The following FREM1 variants were observed in gnomAD, a reference collection of about 807,000 sequenced individuals.
FREM1 encodes FRAS1-related extracellular matrix protein 1.
Under a neutral mutation model 210.1 loss-of-function variants are expected in FREM1, and 220 were observed. That is an observed-to-expected ratio of 1.05 (90% CI 0.94 to 1.17). The LOEUF is 1.17. FREM1 is among the 50% of genes most tolerant of loss of function. The pLI is 0.00. For missense variants in FREM1, 3,454 were observed against 2,675.5 expected (o/e 1.29, Z -6.42); for synonymous variants, 1,189 against 980.2 (o/e 1.21, Z -3.98).
intron 3 of FREM1, among the ~76,000 whole-genome samples, chr9:14,860,277 G>A (rs1829565051): frequency 6.6e-6 from 1 of 152,032 alleles, no homozygotes; most frequent in Non-Finnish European, 1.5e-5. Flanking sequence ...CAAAGGGGCT[G>A]GAGAAGGAGA....
At chr9:14,885,053 T>A (rs966172705) in intron 1 of FREM1, among the ~76,000 whole-genome samples, 2 of 141,710 alleles carry the variant, frequency 1.4e-5, no homozygotes, top group Admixed American at 1.4e-4. Flanking sequence ...GCCCCCCGAG[T>A]GGCTGGGACT....
Position 14,747,745 on chromosome 9 carries a change from A to G in FREM1, c.5797-17T>C. ...TGGACGAACCTGAAATTGACAGAGAACAAAATATGAACAGAATTGGATTGA... is the reference window on the plus strand; with the variant it reads ...TGGACGAACCTGAAATTGACAGAGAGCAAAATATGAACAGAATTGGATTGA... On this transcript the variant is annotated splice_polypyrimidine_tract_variant and intron_variant, in intron 31 of 36. Coordinates refer to ENST00000380880, the MANE Select transcript of FREM1 (RefSeq NM_001379081.2). 1.3e-6 allele frequency: 2 copies of G among 1,503,448 alleles called. No individual in the cohort carries two copies. The highest frequency in any genetic ancestry group is 1.2e-5 in the South Asian group (1 of 80,242). The allele number at this position is 1,503,448 out of a possible 1,614,324, so 93.1% of individuals were successfully genotyped here.
rs544424976 is a variant in FREM1 at position 14,907,970 on chromosome 9, C to A, written c.-268+1944G>T. Among the ~76,000 whole-genome samples, 9 of 152,278 alleles carry A rather than the reference C, an allele frequency of 5.9e-5. No individual in the cohort carries two copies. The South Asian group carries it at 1.9e-3, about 32-fold the overall frequency. On this transcript the variant is annotated intron_variant, in intron 1 of 36. Coordinates refer to ENST00000380880, the MANE Select transcript of FREM1 (RefSeq NM_001379081.2). ...ATTTGAAACACCATGAGGACAAGGA[C>A]CCTGCCTGTGCATGCCATCCCCAGT...
intron 16 of FREM1, among the ~76,000 whole-genome samples, chr9:14,811,930 G>A (rs1819480803): frequency 6.6e-6 from 1 of 152,148 alleles, no homozygotes; most frequent in Non-Finnish European, 1.5e-5. Context: ...TGGATGAGTA[G>A]ACAGGAAATT....
chr9:14,807,931 C>T lies in FREM1; in HGVS notation c.3088+9G>A. ...ACAATAGTACTGGAACAAAAAAACA[C>T]ATTGTCACCTATTGCAATGGAAGGT... On this transcript the variant is annotated intron_variant, in intron 17 of 36. Coordinates refer to ENST00000380880, the MANE Select transcript of FREM1 (RefSeq NM_001379081.2). The T allele has an allele frequency of 6.2e-7, 1 of 1,602,074 alleles. No individual in the cohort carries two copies. Among genetic ancestry groups the T allele is most frequent in the Non-Finnish European group, 8.5e-7 (1 of 1,170,028 alleles).
In FREM1 at chr9:14,823,426, C is replaced by T. The variant is rs112853123; in HGVS notation, c.2170-99G>A. 7.7e-3 allele frequency: 7,480 copies of T among 972,868 alleles called. 357 individuals carry two copies. The African/African-American group carries it at 0.11, about 14-fold the overall frequency. 60.3% of individuals were successfully genotyped at this position (972,868 alleles called of 1,614,324 possible). On this transcript the variant is annotated intron_variant, in intron 12 of 36. Coordinates refer to ENST00000380880, the MANE Select transcript of FREM1 (RefSeq NM_001379081.2). Reference sequence around the variant, plus strand: ...CCATCATGTTAATTGATATTGAACACTGTAAATGCCACCATCATCACTTTG... The same window carrying T: ...CCATCATGTTAATTGATATTGAACATTGTAAATGCCACCATCATCACTTTG...
At chr9:14,808,324 G>A (rs1302346230) in intron 16 of FREM1, among the ~76,000 whole-genome samples, 190 bp from the exon 17 acceptor site, 1 of 152,100 alleles carries the variant, frequency 6.6e-6, no homozygotes, top group Non-Finnish European at 1.5e-5. Context: ...AAAAATTCTT[G>A]CCCATCTGTT....
intron 5 of FREM1, among the ~76,000 whole-genome samples, chr9:14,855,520 A>C (rs1440434189): frequency 2.0e-5 from 3 of 152,160 alleles, no homozygotes; most frequent in Non-Finnish European, 4.4e-5. Flanking sequence ...CAAGATACAA[A>C]ACTTCACATA....
intron 5 of FREM1, among the ~76,000 whole-genome samples, chr9:14,856,987 T>G (rs916711802): frequency 1.3e-5 from 2 of 152,138 alleles, no homozygotes; most frequent in African/African-American, 4.8e-5. Context: ...TATTTCAATA[T>G]ATAGAGATCA....
rs1354264821 is a variant in FREM1 at position 14,823,317 on chromosome 9, T to C, written c.2180A>G (p.Asn727Ser). The C allele has an allele frequency of 4.3e-6, 7 of 1,612,968 alleles. No individual in the cohort carries two copies. The highest frequency in any genetic ancestry group is 5.9e-6 in the Non-Finnish European group (7 of 1,179,326). The change falls in exon 13 of 37, where the codon AAC becomes AGC. Residue 727 changes from asparagine to serine, a missense_variant. Asn to Ser is a conservative substitution (Grantham distance 46). Transcript: ENST00000380880. ...GGGCATGTAGGCCACTTTCATATAGTTCACAGCATGCTGCAAAGTAAGTTG... is the reference window on the plus strand; with the variant it reads ...GGGCATGTAGGCCACTTTCATATAGCTCACAGCATGCTGCAAAGTAAGTTG... Reference protein sequence around the residue: ...ELRSFTQHAVNYMKVAYMPPM... With the variant: ...ELRSFTQHAVSYMKVAYMPPM...
chr9:14,857,865 A>C, intron 4 of FREM1, 116 bp from the exon 5 acceptor site: 2 of 619,488 alleles, frequency 3.2e-6, no homozygotes, highest in Non-Finnish European at 5.2e-6. Flanking sequence ...AGGAACACTC[A>C]TGTACCTTCC....
At chr9:14,876,584 C>T (rs1833795133) in intron 1 of FREM1, among the ~76,000 whole-genome samples, 1 of 152,134 alleles carries the variant, frequency 6.6e-6, no homozygotes, top group East Asian at 1.9e-4. Flanking sequence ...CGTCTGTCAC[C>T]CCTTTCTTTG....
At chr9:14,771,318 T>G (rs1847532975) in intron 25 of FREM1, among the ~76,000 whole-genome samples, 1 of 152,130 alleles carries the variant, frequency 6.6e-6, no homozygotes, top group Non-Finnish European at 1.5e-5. Flanking sequence ...TGGCATGTCT[T>G]TTTTCAACTG....
In FREM1 at chr9:14,844,225, CTT is replaced by C. The variant is rs35686371; in HGVS notation, c.1394-1567_1394-1566del. Among the ~76,000 whole-genome samples, 607 of 138,766 alleles carry C rather than the reference CTT, an allele frequency of 4.4e-3. 4 individuals are homozygous for C. The highest frequency in any genetic ancestry group is 0.011 in the Middle Eastern group (3 of 262). 91.0% of individuals were successfully genotyped at this position (138,766 alleles called of 152,430 possible). A position where few individuals can be genotyped will look rare whatever the true frequency, so the allele number is the denominator to read the frequency against. On this transcript the variant is annotated intron_variant, in intron 8 of 36. Coordinates refer to ENST00000380880, the MANE Select transcript of FREM1 (RefSeq NM_001379081.2). The stretch of plus-strand genomic sequence containing the variant: ...TTTCTTCAGATACTTACAACTCTTC[CTT>C]TTTTTTTTTTTTTCTTTAGACGGAG...
chr9:14,823,455 A>C, intron 12 of FREM1, 128 bp from the exon 13 acceptor site: 1 of 794,668 alleles, frequency 1.3e-6, no homozygotes, highest in Admixed American at 2.5e-5. Context: ...CACTTTGAAG[A>C]TTACCAAAAG....
intron 1 of FREM1, among the ~76,000 whole-genome samples, chr9:14,881,872 AC>A (rs1408176796): frequency 6.6e-6 from 1 of 152,188 alleles, no homozygotes; most frequent in African/African-American, 2.4e-5. Context: ...AGAGGTAGTT[AC>A]GGTGTGCCTC....
At chr9:14,807,166 G>A (rs1285298477) in intron 17 of FREM1, among the ~76,000 whole-genome samples, 3 of 152,134 alleles carry the variant, frequency 2.0e-5, no homozygotes, top group Non-Finnish European at 4.4e-5. Context: ...GGTTTCCCTT[G>A]TGTCTCTATG....
intron 36 of FREM1, among the ~76,000 whole-genome samples, chr9:14,739,918 T>C (rs1841217213): frequency 6.6e-6 from 1 of 152,178 alleles, no homozygotes; most frequent in Non-Finnish European, 1.5e-5. Context: ...TGCCTGTCAA[T>C]CTGACCACAT....
intron 5 of FREM1, 128 bp from the exon 6 acceptor site, chr9:14,851,735 A>G: frequency 3.8e-6 from 3 of 781,624 alleles, no homozygotes; most frequent in South Asian, 1.5e-5. Flanking sequence ...GCCTGGCTGC[A>G]TATTGGAATC....
Sources: allele counts gnomAD v4.1 joint callset (sites outside exome capture counted in the v4.1 genomes callset), GRCh38; gene constraint gnomAD v4.1.1; transcripts MANE v1.5; gene names NCBI Gene and HGNC (gene_info 2026-07-23, HGNC 2026-07-21).